ANKS1B: variants seen among roughly 807,000 people sequenced by gnomAD.
ANKS1B encodes the protein ankyrin repeat and sterile alpha motif domain containing 1B.
A neutral mutation model predicts 148.3 loss-of-function variants in ANKS1B; 36 were observed. That is an observed-to-expected ratio of 0.24 (90% CI 0.19 to 0.32). The LOEUF is 0.32. ANKS1B is among the 10% of genes least tolerant of loss of function. ANKS1B has a pLI of 1.00. For missense variants in ANKS1B, 1,157 were observed against 1,542.6 expected (o/e 0.75, Z 4.19); for synonymous variants, 542 against 560.8 (o/e 0.97, Z 0.47).
At chr12:99,707,291 T>A (rs1157888374) in intron 8 of ANKS1B, among the ~76,000 whole-genome samples, 1 of 152,004 alleles carries the variant, frequency 6.6e-6, no homozygotes, top group African/African-American at 2.4e-5. Context: ...CACGGCAACC[T>A]CAGATGACTT....
At chr12:99,472,236 C>T (rs1447832675) in intron 10 of ANKS1B, among the ~76,000 whole-genome samples, 2 of 151,992 alleles carry the variant, frequency 1.3e-5, no homozygotes, top group Admixed American at 6.6e-5. Context: ...AATATCCTGC[C>T]GGACCTAGCT....
intron 12 of ANKS1B, among the ~76,000 whole-genome samples, chr12:99,308,770 T>C (rs2082703645): frequency 6.6e-6 from 1 of 151,786 alleles, no homozygotes. Context: ...TGTTTCCATT[T>C]TTATATCCTT....
chr12:99,071,563 T>C (rs2046280960), intron 16 of ANKS1B, among the ~76,000 whole-genome samples: 1 of 152,222 alleles, frequency 6.6e-6, no homozygotes, highest in African/African-American at 2.4e-5. Context: ...CTATGCTATG[T>C]ATATTTATAT....
intron 1 of ANKS1B, among the ~76,000 whole-genome samples, chr12:99,913,113 T>C (rs1334637312): frequency 6.6e-6 from 1 of 152,210 alleles, no homozygotes; most frequent in Non-Finnish European, 1.5e-5. Flanking sequence ...TATAACTCTC[T>C]ATAACCATTT....
At chr12:98,991,173 G>T (rs1426904584) in intron 17 of ANKS1B, among the ~76,000 whole-genome samples, 1 of 152,078 alleles carries the variant, frequency 6.6e-6, no homozygotes, top group African/African-American at 2.4e-5. Flanking sequence ...CAAAATTATG[G>T]GAGGCATTAC....
At chr12:98,895,282 C>T (rs2099762584) in intron 17 of ANKS1B, 2 of 985,482 alleles carry the variant, frequency 2.0e-6, no homozygotes, top group South Asian at 9.4e-5. Context: ...CTCGCATCCT[C>T]GGTTACTATG....
intron 16 of ANKS1B, among the ~76,000 whole-genome samples, chr12:99,076,291 C>T (rs1438701750): frequency 6.6e-6 from 1 of 151,798 alleles, no homozygotes. Context: ...CAAATGAAGG[C>T]GCCTCAGGAG....
At chr12:99,425,219 TATATTCAGTTTA>T (rs1440900434) in intron 11 of ANKS1B, among the ~76,000 whole-genome samples, 1 of 152,048 alleles carries the variant, frequency 6.6e-6, no homozygotes, top group African/African-American at 2.4e-5. Flanking sequence ...TGTGTATATT[TATATTCAGTTTA>T]TTTTGTAGTT....
intron 9 of ANKS1B, among the ~76,000 whole-genome samples, chr12:99,516,975 C>T (rs985827926): frequency 6.6e-6 from 1 of 152,038 alleles, no homozygotes; most frequent in Non-Finnish European, 1.5e-5. Context: ...CTTTTCTTCT[C>T]AGGATAGCTT....
At chr12:98,832,962 T>TG (rs1232671212) in intron 17 of ANKS1B, among the ~76,000 whole-genome samples, 2 of 152,012 alleles carry the variant, frequency 1.3e-5, no homozygotes, top group Non-Finnish European at 2.9e-5. Context: ...GTAATAGAGA[T>TG]GGGAGTTGCA....
At chr12:99,962,075 T>G (rs1269335580) in intron 1 of ANKS1B, among the ~76,000 whole-genome samples, 1 of 151,046 alleles carries the variant, frequency 6.6e-6, no homozygotes, top group South Asian at 2.1e-4. Flanking sequence ...GGTTTAGTTG[T>G]TTTTTTTTAA....
chr12:99,422,616 G>A (rs2466565), intron 11 of ANKS1B, among the ~76,000 whole-genome samples: 45,112 of 152,026 alleles, frequency 0.3, 6,755 homozygotes, highest in East Asian at 0.34. Flanking sequence ...AGCAGGAAAA[G>A]ATACAGACAG....
At chr12:99,267,377 A>G (rs1442406028) in intron 12 of ANKS1B, among the ~76,000 whole-genome samples, 1 of 152,094 alleles carries the variant, frequency 6.6e-6, no homozygotes, top group East Asian at 1.9e-4. Context: ...CTTGCTACAG[A>G]TATGTCAGTA....
At chr12:99,521,981 C>G (rs919363986) in intron 9 of ANKS1B, among the ~76,000 whole-genome samples, 1 of 152,176 alleles carries the variant, frequency 6.6e-6, no homozygotes, top group Non-Finnish European at 1.5e-5. Flanking sequence ...GGAAGTTCCC[C>G]TAGGTCCTGG....
intron 17 of ANKS1B, among the ~76,000 whole-genome samples, chr12:98,867,907 C>G (rs1032594669): frequency 1.3e-4 from 19 of 151,876 alleles, no homozygotes; most frequent in African/African-American, 4.3e-4. Flanking sequence ...CTGGATACTA[C>G]TTCGTAAAGC....
chr12:98,762,003 C>T (rs1199148206), intron 25 of ANKS1B, among the ~76,000 whole-genome samples: 1 of 152,196 alleles, frequency 6.6e-6, no homozygotes, highest in Non-Finnish European at 1.5e-5. Flanking sequence ...CATCAGAGAG[C>T]TGCAGGCCCA....
At chr12:98,868,295 G>A (rs578048126) in intron 17 of ANKS1B, among the ~76,000 whole-genome samples, 11 of 151,906 alleles carry the variant, frequency 7.2e-5, no homozygotes, top group Non-Finnish European at 1.6e-4. Flanking sequence ...GGTGTTAGGT[G>A]TGGGCTGCTT....
intron 17 of ANKS1B, among the ~76,000 whole-genome samples, chr12:98,905,806 C>T (rs899694092): frequency 1.2e-4 from 18 of 151,402 alleles, no homozygotes; most frequent in South Asian, 4.2e-4. Flanking sequence ...AGACATGAGA[C>T]GTAGGAGCCA....
At chr12:99,376,613 T>C (rs1021524469) in intron 12 of ANKS1B, among the ~76,000 whole-genome samples, 5 of 152,232 alleles carry the variant, frequency 3.3e-5, no homozygotes, top group Admixed American at 1.3e-4. Context: ...TGAATAATCT[T>C]AGAAATGTTC....
Sources: gnomAD v4.1 joint callset for allele counts (sites outside exome capture counted in the v4.1 genomes callset) on GRCh38, gnomAD v4.1.1 for gene constraint, MANE v1.5 for transcripts, NCBI Gene and HGNC (gene_info 2026-07-23, HGNC 2026-07-21) for gene names.